CDK14: variants seen among roughly 807,000 people sequenced by gnomAD.
CDK14 encodes cyclin-dependent kinase 14.
Under a neutral mutation model 60.7 loss-of-function variants are expected in CDK14, and 34 were observed. The observed-to-expected ratio is 0.56, with a 90% CI of 0.43 to 0.75. CDK14 has a LOEUF of 0.75. CDK14 is among the 30% of genes least tolerant of loss of function. The pLI, the probability that CDK14 is intolerant of heterozygous loss-of-function variation, is 0.00. For synonymous variants in CDK14, 197 were observed against 203.7 expected, an observed-to-expected ratio of 0.97 and a Z score of 0.28; for missense variants, 482 against 564.1, an observed-to-expected ratio of 0.85 and a Z score of 1.47.
At chr7:90,751,324 T>C (rs1346201523) in intron 4 of CDK14, among the ~76,000 whole-genome samples, 4 of 152,174 alleles carry the variant, frequency 2.6e-5, no homozygotes, top group African/African-American at 9.7e-5. Context: ...ACAGCAGATT[T>C]CTCAGAAGAA....
chr7:91,123,190 C>T lies in CDK14; in HGVS notation c.*28+4982C>T, dbSNP rs1076146. Among the ~76,000 whole-genome samples the T allele has an allele frequency of 1.8e-3, 272 of 152,198 alleles. 8 individuals carry two copies. The South Asian group carries it at 0.033, about 18-fold the overall frequency. ...GCATTTTCTCAACTATAGACACAAA[C>T]GGAGATAATATCCATCAGCACTTTT... is the stretch of plus-strand genomic sequence containing the variant. On this transcript the variant is annotated intron_variant, in intron 14 of 14. Coordinates refer to ENST00000380050, the MANE Select transcript of CDK14 (RefSeq NM_001287135.2).
At chr7:91,168,505 C>T (rs978271700) in intron 14 of CDK14, among the ~76,000 whole-genome samples, 2 of 152,014 alleles carry the variant, frequency 1.3e-5, no homozygotes, top group South Asian at 2.1e-4. Flanking sequence ...CCTTACTTGC[C>T]AGGCATGATG....
intron 2 of CDK14, among the ~76,000 whole-genome samples, chr7:90,671,370 T>G (rs1393805546): frequency 1.3e-5 from 2 of 152,068 alleles, no homozygotes; most frequent in Non-Finnish European, 2.9e-5. Context: ...GTTATTTAGG[T>G]TCACTGTAGC....
intron 7 of CDK14, among the ~76,000 whole-genome samples, chr7:90,910,241 A>G (rs548025128): frequency 2.6e-5 from 4 of 152,346 alleles, no homozygotes; most frequent in African/African-American, 7.2e-5. Flanking sequence ...GCTTTGTAAA[A>G]TAAAACGATT....
intron 2 of CDK14, among the ~76,000 whole-genome samples, chr7:90,704,211 A>G (rs1250886174): frequency 6.6e-6 from 1 of 152,226 alleles, no homozygotes; most frequent in Non-Finnish European, 1.5e-5. Flanking sequence ...TGTCAACTTT[A>G]CACGCTGCTT....
chr7:90,981,179 T>C (rs1033696760), intron 9 of CDK14, among the ~76,000 whole-genome samples: 1 of 152,118 alleles, frequency 6.6e-6, no homozygotes, highest in Non-Finnish European at 1.5e-5. Flanking sequence ...AGAAAAGAAT[T>C]CCTGACAGAA....
intron 2 of CDK14, among the ~76,000 whole-genome samples, chr7:90,649,236 GTTTCTTTCTTTCTTTCTTTCTTTC>G (rs1167505193): frequency 5.6e-4 from 66 of 118,852 alleles, no homozygotes; most frequent in South Asian, 1.5e-3. Context: ...CTAGCCTATA[GTTTCTTTCTTTCTTTCTTTCTTTC>G]TTTCTTTCTT....
At chr7:91,128,127 A>G (rs746162073) in intron 14 of CDK14, among the ~76,000 whole-genome samples, 4 of 152,176 alleles carry the variant, frequency 2.6e-5, no homozygotes, top group Non-Finnish European at 5.9e-5. Context: ...TCTGGTTAAA[A>G]TGTATATTTT....
chr7:91,010,835 C>T (rs6969162), intron 10 of CDK14, among the ~76,000 whole-genome samples: 6,481 of 45,194 alleles, frequency 0.14, 236 homozygotes, highest in Middle Eastern at 0.24. Context: ...CTTCCTTCCT[C>T]CCTCCCTCCC....
chr7:91,001,041 GT>G (rs931884734), intron 10 of CDK14, among the ~76,000 whole-genome samples: 56 of 151,808 alleles, frequency 3.7e-4, no homozygotes, highest in African/African-American at 1.3e-3. Context: ...TATTGTTACT[GT>G]TTTTTTTGTC....
chr7:90,778,166 T>A (rs915472792), intron 4 of CDK14, among the ~76,000 whole-genome samples: 2 of 152,238 alleles, frequency 1.3e-5, no homozygotes, highest in Non-Finnish European at 2.9e-5. Flanking sequence ...TCCAGTTGGA[T>A]GTTCCCAGAC....
At chr7:91,183,528 GC>G (rs1433351810) in intron 14 of CDK14, among the ~76,000 whole-genome samples, 3 of 151,992 alleles carry the variant, frequency 2.0e-5, no homozygotes, top group African/African-American at 7.3e-5. Context: ...CTCATCTCAT[GC>G]CAATATATTT....
chr7:90,768,907 A>C (rs1804674485), intron 4 of CDK14, among the ~76,000 whole-genome samples: 1 of 152,248 alleles, frequency 6.6e-6, no homozygotes, highest in Non-Finnish European at 1.5e-5. Context: ...TGGACACAGG[A>C]CATTACTTTT....
At chr7:90,838,637 G>A (rs575938703) in intron 5 of CDK14, among the ~76,000 whole-genome samples, 39 of 152,178 alleles carry the variant, frequency 2.6e-4, no homozygotes, top group Non-Finnish European at 8.8e-5. Flanking sequence ...ATAGATAGCC[G>A]CTCTGGGAGT....
At chr7:90,879,642 G>A (rs1190350972) in intron 6 of CDK14, among the ~76,000 whole-genome samples, 1 of 152,172 alleles carries the variant, frequency 6.6e-6, no homozygotes, top group Non-Finnish European at 1.5e-5. Flanking sequence ...TGTTCCTAAT[G>A]TAAATGACAG....
chr7:90,903,357 A>G (rs1377106549), intron 7 of CDK14, among the ~76,000 whole-genome samples: 1 of 152,194 alleles, frequency 6.6e-6, no homozygotes, highest in Non-Finnish European at 1.5e-5. Context: ...TGCAGTACAT[A>G]CATACAATGG....
chr7:90,723,474 C>T (rs1005579591), intron 2 of CDK14, among the ~76,000 whole-genome samples: 2 of 152,148 alleles, frequency 1.3e-5, no homozygotes, highest in Non-Finnish European at 2.9e-5. Flanking sequence ...CATGGCATGG[C>T]AGCCGGCTTT....
chr7:90,952,265 A>T (rs1794286264), intron 8 of CDK14, among the ~76,000 whole-genome samples: 1 of 152,124 alleles, frequency 6.6e-6, no homozygotes, highest in Non-Finnish European at 1.5e-5. Context: ...CCCGTGGTTT[A>T]TTCTGTGTCC....
At chr7:90,596,746 C>G (rs745910118) in intron 1 of CDK14, 28 bp downstream of exon 1, 58 of 1,569,986 alleles carry the variant, frequency 3.7e-5, no homozygotes, top group South Asian at 5.6e-5. Context: ...CCCGGCCCCC[C>G]CAGCGCCCGC....
Sources: gnomAD v4.1 joint callset for allele counts (sites outside exome capture counted in the v4.1 genomes callset) on GRCh38, gnomAD v4.1.1 for gene constraint, MANE v1.5 for transcripts, NCBI Gene and HGNC (gene_info 2026-07-23, HGNC 2026-07-21) for gene names.